CAMSAP2: variants seen among roughly 807,000 people sequenced by gnomAD.
CAMSAP2 encodes calmodulin-regulated spectrin-associated protein 2.
CAMSAP2 carries 26 observed loss-of-function variants against 146.1 expected under a neutral mutation model. The ratio of observed to expected loss-of-function variants is 0.18; its 90% confidence interval spans 0.13 to 0.25. The LOEUF is 0.25. Among genes scored for constraint, CAMSAP2 ranks in the 10% least tolerant of loss-of-function variants. The probability of loss-of-function intolerance (pLI) is 1.00; values close to 1 mark genes in which losing one functional copy is unlikely to be tolerated. For missense variants in CAMSAP2, 1,381 were observed against 1,759.3 expected, an observed-to-expected ratio of 0.78 and a Z score of 3.85; for synonymous variants, 499 against 596.6, an observed-to-expected ratio of 0.84 and a Z score of 2.38.
chr1:200,848,614 T>C lies in CAMSAP2; in HGVS notation c.1845T>C (p.Pro615=). 6.2e-7 allele frequency: 1 copy of C among 1,614,154 alleles called. No individual in the cohort carries two copies. The highest frequency in any genetic ancestry group is 1.1e-5 in the South Asian group (1 of 91,076). ...AAGTAGACACTGGAATTCACGTTCC[T>C]TCAGAAGATATTCCTGAAACTATGG... ...NTEVDTGIHV[P]SEDIPETMDE... Residue 615 remains proline, a synonymous_variant, in exon 11 of 17, where the codon CCT becomes CCC. Transcript: ENST00000358823.
chr1:200,838,374 T>C (rs957415036), intron 6 of CAMSAP2, among the ~76,000 whole-genome samples: 1 of 152,176 alleles, frequency 6.6e-6, no homozygotes, highest in Admixed American at 6.6e-5. Context: ...TTAGAAAGTA[T>C]ACCATAAAGA....
intron 4 of CAMSAP2, among the ~76,000 whole-genome samples, chr1:200,828,228 T>C (rs1666952216): frequency 6.6e-6 from 1 of 152,150 alleles, no homozygotes; most frequent in Admixed American, 6.5e-5. Context: ...TGTAGAATAT[T>C]TTTACTTCCC....
chr1:200,848,827 G>T lies in CAMSAP2; in HGVS notation c.2058G>T (p.Met686Ile). ...CTTCTTCTAGTTCTGGAGTTAAAAT[G>T]ACCAGCTTTGCTGAACAAAAATTCA... ...SSASSSSGVKMTSFAEQKFRK... is the reference protein window; with the variant it reads ...SSASSSSGVKITSFAEQKFRK... The change falls in exon 11 of 17, where the codon ATG becomes ATT. Residue 686 changes from methionine (M) to isoleucine (I), a missense_variant. By Grantham distance (10) the Met-to-Ile change is conservative. This residue lies in a region of CAMSAP2 where 447 missense variants were observed against 462.2 expected (regional missense o/e 0.97). Transcript: ENST00000358823. 1 of 1,614,106 alleles carries T rather than the reference G, an allele frequency of 6.2e-7. No homozygotes were observed. The highest frequency in any genetic ancestry group is 1.1e-5 in the South Asian group (1 of 91,040).
chr1:200,747,465 CAG>C (rs1180750622), intron 1 of CAMSAP2, among the ~76,000 whole-genome samples: 2 of 152,106 alleles, frequency 1.3e-5, no homozygotes, highest in Non-Finnish European at 2.9e-5. Context: ...AATGTAGAGA[CAG>C]AAGCATGACT....
intron 6 of CAMSAP2, among the ~76,000 whole-genome samples, chr1:200,835,452 GAT>G (rs1667161726): frequency 6.6e-6 from 1 of 152,150 alleles, no homozygotes; most frequent in Admixed American, 6.5e-5. Context: ...TTCATCGGCA[GAT>G]ATTTACTGAG....
intron 2 of CAMSAP2, among the ~76,000 whole-genome samples, chr1:200,789,725 T>C (rs1034414340): frequency 6.6e-6 from 1 of 152,230 alleles, no homozygotes; most frequent in South Asian, 2.1e-4. Context: ...TGGGATTGCA[T>C]TGAATCTGTA....
chr1:200,844,880 C>T lies in CAMSAP2; in HGVS notation c.1109+11C>T, dbSNP rs1331614107. On this transcript the variant is annotated intron_variant, in intron 8 of 16. Transcript: ENST00000358823. Reference sequence around the variant, plus strand: ...TGACTTCCCTTCAAGGTAAACTCCACAATGACTTTATTTTCACCATTTCTA... The same window carrying T: ...TGACTTCCCTTCAAGGTAAACTCCATAATGACTTTATTTTCACCATTTCTA... 3.5e-6 allele frequency: 5 copies of T among 1,441,452 alleles called. No homozygotes were observed. In the African/African-American group the frequency reaches 4.3e-5, roughly 12 times the overall value. 89.3% of individuals were successfully genotyped at this position (1,441,452 alleles called of 1,614,324 possible).
rs1489874956 is a variant in CAMSAP2, at chr1:200,850,165, A to G, written c.3396A>G (p.Lys1132=). 4 of 1,605,816 alleles carry G rather than the reference A, an allele frequency of 2.5e-6. No homozygotes were observed. Among genetic ancestry groups the G allele is most frequent in the Middle Eastern group, 1.7e-4 (1 of 5,998 alleles). The change falls in exon 11 of 17, where the codon AAA becomes AAG. Residue 1132 remains lysine (K), a synonymous_variant. Transcript: ENST00000358823. ...PPEKADVPVE[K]YDGESDKEQF... The stretch of plus-strand genomic sequence containing the variant: ...AAAAGGCTGATGTACCTGTTGAAAA[A>G]TATGATGGAGAAAGTGATAAAGAAC...
chr1:200,854,752 G>A (rs1571836271), intron 13 of CAMSAP2, 65 bp from the exon 14 acceptor site: 1 of 1,219,222 alleles, frequency 8.2e-7, no homozygotes, highest in Non-Finnish European at 1.2e-6. Flanking sequence ...CTCTTTGCTA[G>A]TTGCTCCTTT....
intron 2 of CAMSAP2, among the ~76,000 whole-genome samples, chr1:200,806,390 G>C (rs1485020875): frequency 6.6e-6 from 1 of 152,148 alleles, no homozygotes; most frequent in Non-Finnish European, 1.5e-5. Context: ...CTTTCATGTT[G>C]ATACAGATTT....
chr1:200,817,219 TATGTGTGTGTATATACACACATACACAC>T (rs1666613699), intron 4 of CAMSAP2, among the ~76,000 whole-genome samples: 1 of 105,802 alleles, frequency 9.5e-6, no homozygotes, highest in East Asian at 3.2e-4. Context: ...CATACACACA[TATGTGTGTGTATATACACACATACACAC>T]ATATGTGTGT....
At chr1:200,766,747 C>T (rs1664964335) in intron 2 of CAMSAP2, among the ~76,000 whole-genome samples, 1 of 151,892 alleles carries the variant, frequency 6.6e-6, no homozygotes, top group Non-Finnish European at 1.5e-5. Context: ...TTCGTCTTTG[C>T]CTAGGGAATA....
intron 3 of CAMSAP2, among the ~76,000 whole-genome samples, chr1:200,812,344 C>A (rs1285777974): frequency 6.6e-6 from 1 of 152,006 alleles, no homozygotes; most frequent in African/African-American, 2.4e-5. Flanking sequence ...CACTTTAGAA[C>A]TTTGGAAATC....
intron 2 of CAMSAP2, among the ~76,000 whole-genome samples, chr1:200,789,404 GTTGT>G (rs1476982674): frequency 6.6e-6 from 1 of 151,804 alleles, no homozygotes; most frequent in Non-Finnish European, 1.5e-5. Flanking sequence ...TGGATGTCTG[GTTGT>G]TCTAGCACCA....
chr1:200,828,469 T>A, intron 4 of CAMSAP2: 2 of 1,064,706 alleles, frequency 1.9e-6, no homozygotes, highest in Admixed American at 4.6e-5. Context: ...AACTTGGAAC[T>A]CCACTATCAG....
At chr1:200,771,742 G>C (rs4915457) in intron 2 of CAMSAP2, among the ~76,000 whole-genome samples, 110,389 of 151,990 alleles carry the variant, frequency 0.73, 40,168 homozygotes, top group Middle Eastern at 0.78. Flanking sequence ...GAGGGAGAAT[G>C]ACTGTACAGT....
At chr1:200,817,277 T>TACACACATACACAC (rs1666627547) in intron 4 of CAMSAP2, among the ~76,000 whole-genome samples, 6 of 103,760 alleles carry the variant, frequency 5.8e-5, no homozygotes, top group Non-Finnish European at 1.3e-4. Flanking sequence ...CACATATATA[T>TACACACATACACAC]ATATTTTCCC....
Position 200,850,047 on chromosome 1 carries a change from C to T in CAMSAP2, c.3278C>T (p.Pro1093Leu), listed in dbSNP as rs766464460. 3.7e-6 allele frequency: 6 copies of T among 1,612,008 alleles called. No homozygotes were observed. The African/African-American group carries it at 5.3e-5, about 14-fold the overall frequency. Residue 1093 changes from proline to leucine, a missense_variant, in exon 11 of 17, where the codon CCC becomes CTC. Coordinates refer to ENST00000358823, the MANE Select transcript of CAMSAP2 (RefSeq NM_203459.4). ...CCAAATGAGGACCAATTGAATCAAC[C>T]CACAGAACCCCCTCCTAAACCCGTT... ...LTPNEDQLNQPTEPPPKPVFP... is the reference protein window; with the variant it reads ...LTPNEDQLNQLTEPPPKPVFP...
At chr1:200,815,685 T>C in intron 4 of CAMSAP2, 41 bp downstream of exon 4, 1 of 986,176 alleles carries the variant, frequency 1.0e-6, no homozygotes, top group Admixed American at 2.6e-5. Context: ...TATGAGACTG[T>C]ATATATGTTC....
Sources: gnomAD v4.1 joint callset for allele counts (sites outside exome capture counted in the v4.1 genomes callset) on GRCh38, gnomAD v4.1.1 for gene constraint, gnomAD v4.1.1 regional missense constraint, MANE v1.5 for transcripts, NCBI Gene and HGNC (gene_info 2026-07-23, HGNC 2026-07-21) for gene names.